Variants in SEC23B observed in about 807,000 individuals in gnomAD.
The protein encoded by SEC23B is SEC23 homolog B, COPII component, also known as protein transport protein Sec23B.
Under a neutral mutation model 104.3 loss-of-function variants are expected in SEC23B, and 77 were observed. The observed-to-expected ratio is 0.74, with a 90% confidence interval of 0.61 to 0.89. The LOEUF (loss-of-function observed/expected upper bound fraction) is 0.89. SEC23B is among the 40% of genes least tolerant of loss of function. The pLI, the probability that SEC23B is intolerant of heterozygous loss-of-function variation, is 0.00. For synonymous variants in SEC23B, 338 were observed against 332.5 expected, an observed-to-expected ratio of 1.02 and a Z score of -0.18; for missense variants, 885 against 949.4, an observed-to-expected ratio of 0.93 and a Z score of 0.89.
chr20:18,528,660 A>C (rs1447346108), intron 9 of SEC23B, among the ~76,000 whole-genome samples: 1 of 152,198 alleles, frequency 6.6e-6, no homozygotes, highest in Non-Finnish European at 1.5e-5. Flanking sequence ...GCAGCAGATG[A>C]GTTAGGTGAT....
At chr20:18,553,868 TC>T (rs2060410643) in intron 17 of SEC23B, among the ~76,000 whole-genome samples, 1 of 152,126 alleles carries the variant, frequency 6.6e-6, no homozygotes, top group Admixed American at 6.5e-5. Context: ...AGCCAACAAA[TC>T]CCTTTCCTTA....
At chr20:18,536,377 G>T (rs567099030) in intron 12 of SEC23B, among the ~76,000 whole-genome samples, 1 of 152,324 alleles carries the variant, frequency 6.6e-6, no homozygotes, top group South Asian at 2.1e-4. Flanking sequence ...GTGTTGGGGT[G>T]CTGACACTGC....
intron 9 of SEC23B, among the ~76,000 whole-genome samples, chr20:18,529,695 A>G (rs1235463322): frequency 6.6e-6 from 1 of 152,228 alleles, no homozygotes; most frequent in Admixed American, 6.5e-5. Context: ...TATAAAGGAC[A>G]CAGCAATAGT....
chr20:18,528,976 ATTC>A (rs2060158179), intron 9 of SEC23B, among the ~76,000 whole-genome samples: 7 of 152,220 alleles, frequency 4.6e-5, no homozygotes, highest in Admixed American at 4.6e-4. Context: ...GGAAGACCAT[ATTC>A]TTGGTTTCTT....
In SEC23B at chr20:18,560,539, G is replaced by A. The variant is rs557229751; in HGVS notation, c.2215-112G>A. 18 of 811,544 alleles carry A rather than the reference G, an allele frequency of 2.2e-5. 1 individual carries two copies. Among genetic ancestry groups the A allele is most frequent in the South Asian group, 2.2e-4 (16 of 72,510 alleles). 50.3% of individuals were successfully genotyped at this position (811,544 alleles called of 1,614,324 possible). A position where few individuals can be genotyped will look rare whatever the true frequency, so the allele number is the denominator to read the frequency against. ...AGAGGATGGGGTGATGGGAGTACTC[G>A]TAGCAGAGGGGACAACACCTGTGAA... On this transcript the variant is annotated intron_variant, in intron 19 of 19. Coordinates refer to ENST00000650089, the MANE Select transcript of SEC23B (RefSeq NM_006363.6).
intron 7 of SEC23B, 102 bp downstream of exon 7, chr20:18,526,034 G>A (rs996625836): frequency 4.5e-5 from 60 of 1,322,008 alleles, no homozygotes; most frequent in African/African-American, 1.3e-4. Flanking sequence ...TAAGTCAACC[G>A]TCTGTGTTAA....
At chr20:18,537,842 CTT>C (rs1056399244) in intron 12 of SEC23B, among the ~76,000 whole-genome samples, 62 of 152,280 alleles carry the variant, frequency 4.1e-4, no homozygotes, top group Non-Finnish European at 2.2e-4. Flanking sequence ...GAGTCATACT[CTT>C]TTGCTGGTGG....
At chr20:18,541,155 C>CGAA (rs1370135299) in intron 12 of SEC23B, among the ~76,000 whole-genome samples, 1 of 152,220 alleles carries the variant, frequency 6.6e-6, no homozygotes, top group East Asian at 1.9e-4. Context: ...TGCCAGCTTC[C>CGAA]AGCTTTCTCC....
intron 12 of SEC23B, among the ~76,000 whole-genome samples, chr20:18,536,725 T>A (rs1402799658): frequency 6.6e-6 from 1 of 151,546 alleles, no homozygotes; most frequent in African/African-American, 2.4e-5. Flanking sequence ...TAACTTTAAC[T>A]CCCCCAAAAC....
rs900752773 is a variant in SEC23B, at chr20:18,542,304, C to T, written c.1413C>T (p.Thr471=). ...IYFEVVNQHN[T]PIPQGGRGAI... ...GGCCTCTCATCCTACAGCACAACAC[C>T]CCGATCCCCCAAGGAGGCAGAGGAG... Residue 471 remains threonine, a synonymous_variant, in exon 13 of 20, where the codon ACC becomes ACT. Coordinates refer to ENST00000650089, the MANE Select transcript of SEC23B (RefSeq NM_006363.6). 1.4e-5 allele frequency: 23 copies of T among 1,613,964 alleles called. No individual in the cohort carries two copies. The highest frequency in any genetic ancestry group is 1.8e-5 in the Non-Finnish European group (21 of 1,180,012).
chr20:18,527,408 T>C (rs956149702), intron 8 of SEC23B, 88 bp from the exon 9 acceptor site: 8 of 823,340 alleles, frequency 9.7e-6, no homozygotes, highest in African/African-American at 1.7e-5. Context: ...TTTACATGTT[T>C]TTATATTTGA....
intron 17 of SEC23B, among the ~76,000 whole-genome samples, chr20:18,553,476 G>C (rs1568624684): frequency 6.6e-6 from 1 of 152,174 alleles, no homozygotes; most frequent in African/African-American, 2.4e-5. Context: ...ACATGCGAAA[G>C]CACTTCACTT....
chr20:18,531,885 A>G (rs978783489), intron 10 of SEC23B, among the ~76,000 whole-genome samples: 1 of 115,560 alleles, frequency 8.7e-6, no homozygotes, highest in South Asian at 3.3e-4. Flanking sequence ...CCCTGTGTCT[A>G]CAAATGATTT....
At chr20:18,537,518 T>C (rs1187226016) in intron 12 of SEC23B, among the ~76,000 whole-genome samples, 1 of 151,684 alleles carries the variant, frequency 6.6e-6, no homozygotes, top group African/African-American at 2.4e-5. Context: ...TTCTCACTCA[T>C]AGGTGGGAAT....
At position 18,535,672 on chromosome 20, in the gene SEC23B, C is replaced by G; in HGVS notation, c.1334C>G (p.Thr445Arg). ...CCCCAGGAGCTTGGTGTTGGTGGCACGAGTCAGTGGAAAATCTGTGGCCTA... is the reference window on the plus strand; with the variant it reads ...CCCCAGGAGCTTGGTGTTGGTGGCAGGAGTCAGTGGAAAATCTGTGGCCTA... ...VSENELGVGG[T>R]SQWKICGLDP... Residue 445 changes from threonine to arginine, a missense_variant, in exon 12 of 20, where the codon ACG becomes AGG. By Grantham distance (71) the Thr-to-Arg change is moderately conservative. Transcript: ENST00000650089. 6.2e-7 allele frequency: 1 copy of G among 1,614,014 alleles called. No homozygotes were observed. The highest frequency in any genetic ancestry group is 8.5e-7 in the Non-Finnish European group (1 of 1,179,948).
In SEC23B at chr20:18,524,504, A is replaced by G. The variant is rs753107435; in HGVS notation, c.438A>G (p.Ala146=). 4 of 1,614,110 alleles carry G rather than the reference A, an allele frequency of 2.5e-6. No homozygotes were observed. Among genetic ancestry groups the G allele is most frequent in the Non-Finnish European group, 3.4e-6 (4 of 1,180,014 alleles). The change falls in exon 5 of 20, where the codon GCA becomes GCG. Residue 146 remains alanine, a synonymous_variant. Transcript: ENST00000650089. ...GCCTGGAGGAAGATGACCTTCAAGC[A>G]CTCAAAGAGTCCCTGCAGATGTCCC... ...DTCLEEDDLQ[A]LKESLQMSLS...
Position 18,530,788 on chromosome 20 carries a change from T to C in SEC23B, c.1218T>C (p.Ala406=). ...GAGATTTCCGAATGGCATTTGGTGC[T>C]ACTTTGGACGTAAAGGTACGGTAAA... ...FNGDFRMAFG[A]TLDVKTSREL... is the part of the protein sequence containing the mutation. Residue 406 remains alanine (A), a synonymous_variant, in exon 10 of 20, where the codon GCT becomes GCC. Transcript: ENST00000650089. 2 of 1,611,988 alleles carry C rather than the reference T, an allele frequency of 1.2e-6. No homozygotes were observed. Among genetic ancestry groups the C allele is most frequent in the East Asian group, 2.2e-5 (1 of 44,748 alleles).
chr20:18,542,630 T>C (rs112758733), intron 13 of SEC23B, among the ~76,000 whole-genome samples: 5 of 152,256 alleles, frequency 3.3e-5, no homozygotes, highest in African/African-American at 9.6e-5. Context: ...TCATTAAAAG[T>C]ATTAATTATT....
intron 15 of SEC23B, among the ~76,000 whole-genome samples, chr20:18,548,145 T>C (rs1327475061): frequency 1.3e-5 from 2 of 151,978 alleles, no homozygotes; most frequent in Non-Finnish European, 2.9e-5. Context: ...GAGACGGGGT[T>C]TCTCCATGTT....
Sources: allele counts gnomAD v4.1 joint callset (sites outside exome capture counted in the v4.1 genomes callset), GRCh38; gene constraint gnomAD v4.1.1; transcripts MANE v1.5; gene names NCBI Gene and HGNC (gene_info 2026-07-23, HGNC 2026-07-21).